The following LRRC7 variants were observed in gnomAD, a reference collection of about 807,000 sequenced individuals.
LRRC7 encodes the protein leucine rich repeat containing 7, also known as leucine-rich repeat-containing protein 7.
In LRRC7, 23 loss-of-function variants were observed where a neutral mutation model predicts 175.7. That is an observed-to-expected ratio of 0.13 (90% CI 0.09 to 0.19). LRRC7 has a LOEUF of 0.19. Ranked by LOEUF, LRRC7 falls within the 10% of genes least tolerant of loss-of-function variation. The pLI is 1.00. For missense variants in LRRC7, 1,354 were observed against 1,904.7 expected (o/e 0.71, Z 5.38); for synonymous variants, 685 against 680.9 (o/e 1.01, Z -0.09).
At chr1:69,854,627 A>G (rs1332314720) in intron 7 of LRRC7, among the ~76,000 whole-genome samples, 1 of 152,210 alleles carries the variant, frequency 6.6e-6, no homozygotes, top group Non-Finnish European at 1.5e-5. Context: ...AGATATCTTT[A>G]CACTCTCATA....
intron 9 of LRRC7, among the ~76,000 whole-genome samples, chr1:69,985,452 C>A (rs150316077): frequency 1.8e-3 from 272 of 152,276 alleles, no homozygotes; most frequent in African/African-American, 6.2e-3. Flanking sequence ...TTATTTTATT[C>A]AGTGCCAACT....
Position 70,103,140 on chromosome 1 carries a change from G to A in LRRC7, c.4546-4612G>A, listed in dbSNP as rs138191258. Among the ~76,000 whole-genome samples the A allele has an allele frequency of 3.8e-3, 580 of 151,280 alleles. 15 individuals carry two copies. In the East Asian group the frequency reaches 0.082, roughly 21 times the overall value. On this transcript the variant is annotated intron_variant, in intron 25 of 26. Transcript: ENST00000651989. ...GCTACGCAGGAGGCTGAGGTGGGAG[G>A]ATCACCTGAACCCAGGAGGCAAAGG...
chr1:69,916,036 A>ATATGTATATTTTATATATAT (rs372336265), intron 7 of LRRC7, among the ~76,000 whole-genome samples: 1 of 64,618 alleles, frequency 1.5e-5, no homozygotes, highest in Non-Finnish European at 3.7e-5. Context: ...ATATATATAT[A>ATATGTATATTTTATATATAT]AATTTATATA....
At position 70,084,817 on chromosome 1, in the gene LRRC7, T is replaced by C. The variant is rs1432293016; in HGVS notation, c.4453-4910T>C. ...TTTCCACATCCTTACCAGTACTTAT[T>C]ATTGTTTGTCTTTTGTACTGTAGTC... On this transcript the variant is annotated intron_variant, in intron 24 of 26. Transcript: ENST00000651989. 5.3e-5 allele frequency among the ~76,000 whole-genome samples: 8 copies of C among 152,282 alleles called. No homozygotes were observed. The East Asian group carries it at 1.5e-3, about 29-fold the overall frequency.
intron 3 of LRRC7, among the ~76,000 whole-genome samples, chr1:69,762,938 G>T (rs1260732932): frequency 6.6e-6 from 1 of 151,780 alleles, no homozygotes; most frequent in Non-Finnish European, 1.5e-5. Flanking sequence ...GAGTTTCAAG[G>T]TTGAATTTTT....
chr1:69,758,313 T>A (rs1670660093), intron 2 of LRRC7, among the ~76,000 whole-genome samples: 1 of 152,020 alleles, frequency 6.6e-6, no homozygotes, highest in Non-Finnish European at 1.5e-5. Context: ...GTCAACTTTT[T>A]AAATGTTTTT....
At chr1:69,616,886 A>G (rs978373422) in intron 1 of LRRC7, among the ~76,000 whole-genome samples, 1 of 152,092 alleles carries the variant, frequency 6.6e-6, no homozygotes, top group Non-Finnish European at 1.5e-5. Context: ...TCAAACTTCA[A>G]TGTTTTGAAT....
intron 7 of LRRC7, among the ~76,000 whole-genome samples, chr1:69,909,193 A>G (rs2101694604): frequency 6.6e-6 from 1 of 152,206 alleles, no homozygotes; most frequent in East Asian, 1.9e-4. Context: ...TCCTGAATAC[A>G]GCACACTGAT....
At chr1:69,719,328 A>G (rs1666099560) in intron 2 of LRRC7, among the ~76,000 whole-genome samples, 1 of 151,764 alleles carries the variant, frequency 6.6e-6, no homozygotes, top group African/African-American at 2.4e-5. Context: ...GAATGAATGA[A>G]TGAAAGAATG....
At chr1:69,848,995 G>A (rs896627776) in intron 7 of LRRC7, among the ~76,000 whole-genome samples, 4 of 151,524 alleles carry the variant, frequency 2.6e-5, no homozygotes, top group Non-Finnish European at 5.9e-5. Flanking sequence ...TGTTTATATT[G>A]CATATACCCC....
At chr1:70,057,256 T>C (rs1003475411) in intron 23 of LRRC7, among the ~76,000 whole-genome samples, 1 of 152,150 alleles carries the variant, frequency 6.6e-6, no homozygotes, top group Non-Finnish European at 1.5e-5. Flanking sequence ...TTTTGTTATA[T>C]ATTATATATT....
chr1:69,638,731 G>A (rs1274837620), intron 1 of LRRC7, among the ~76,000 whole-genome samples: 2 of 151,690 alleles, frequency 1.3e-5, no homozygotes, highest in African/African-American at 4.8e-5. Flanking sequence ...CTGTTCAAAT[G>A]AAAGTACAAT....
chr1:69,903,327 C>T (rs925427471), intron 7 of LRRC7, among the ~76,000 whole-genome samples: 3 of 152,100 alleles, frequency 2.0e-5, no homozygotes, highest in African/African-American at 4.8e-5. Flanking sequence ...CCACAGAGGG[C>T]GAGCGGAAGC....
At chr1:69,902,790 C>A (rs1391050934) in intron 7 of LRRC7, among the ~76,000 whole-genome samples, 2 of 152,080 alleles carry the variant, frequency 1.3e-5, no homozygotes, top group Admixed American at 6.5e-5. Flanking sequence ...CAGAAACATA[C>A]TTTTTTATGA....
intron 7 of LRRC7, among the ~76,000 whole-genome samples, chr1:69,901,287 A>G (rs1646128112): frequency 6.6e-6 from 1 of 152,230 alleles, no homozygotes; most frequent in African/African-American, 2.4e-5. Flanking sequence ...ATGGAAATAG[A>G]ATACATAGGT....
In LRRC7 at chr1:69,643,526, T is replaced by C. The variant is rs966335032; in HGVS notation, c.3-34855T>C. 5.9e-5 allele frequency among the ~76,000 whole-genome samples: 9 copies of C among 152,290 alleles called. No homozygotes were observed. The South Asian group carries it at 1.2e-3, about 21-fold the overall frequency. Reference sequence around the variant, plus strand: ...CAGCCTCCTTCAGCTGTTTTCCTAATGGTGTGTCCCACATTCTTTTGCAGT... The same window carrying C: ...CAGCCTCCTTCAGCTGTTTTCCTAACGGTGTGTCCCACATTCTTTTGCAGT... On this transcript the variant is annotated intron_variant, in intron 1 of 26. Coordinates refer to ENST00000651989, the MANE Select transcript of LRRC7 (RefSeq NM_001370785.2).
At chr1:69,842,968 G>C (rs1017217502) in intron 7 of LRRC7, among the ~76,000 whole-genome samples, 2 of 152,048 alleles carry the variant, frequency 1.3e-5, no homozygotes, top group Non-Finnish European at 2.9e-5. Context: ...GGAGACCAAG[G>C]CAGGCCAATC....
rs2102042909 is a variant in LRRC7 at position 70,044,351 on chromosome 1, G to A, written c.4110+257G>A. ...GAGCAGGTACATGGCTTTTTGTGTT[G>A]CTTCAAGGTTCATTTTTCTTATTAT... On this transcript the variant is annotated intron_variant, in intron 22 of 26. Coordinates refer to ENST00000651989, the MANE Select transcript of LRRC7 (RefSeq NM_001370785.2). 1.3e-5 allele frequency among the ~76,000 whole-genome samples: 2 copies of A among 152,126 alleles called. 1 individual carries two copies. Among genetic ancestry groups the A allele is most frequent in the South Asian group, 4.2e-4 (2 of 4,810 alleles).
chr1:69,713,172 G>A (rs1311382759), intron 2 of LRRC7, among the ~76,000 whole-genome samples: 1 of 152,042 alleles, frequency 6.6e-6, no homozygotes, highest in Non-Finnish European at 1.5e-5. Flanking sequence ...CTTCTAAGGA[G>A]AGTGTTTGCT....
Sources: allele counts gnomAD v4.1 joint callset (sites outside exome capture counted in the v4.1 genomes callset), GRCh38; gene constraint gnomAD v4.1.1; transcripts MANE v1.5; gene names NCBI Gene and HGNC (gene_info 2026-07-23, HGNC 2026-07-21).